TANGO6: variants seen among roughly 807,000 people sequenced by gnomAD.
TANGO6 encodes transport and Golgi organization protein 6 homolog.
In TANGO6, 90 loss-of-function variants were observed where a neutral mutation model predicts 114.2. The ratio of observed to expected loss-of-function variants is 0.79; its 90% CI spans 0.66 to 0.94. The LOEUF is 0.94. Ranked by LOEUF, TANGO6 falls within the 40% of genes least tolerant of loss-of-function variation. The pLI, the probability that TANGO6 is intolerant of heterozygous loss-of-function variation, is 0.00. For synonymous variants in TANGO6, 477 were observed against 509.8 expected, an observed-to-expected ratio of 0.94 and a Z score of 0.87; for missense variants, 1,274 against 1,315.3, an observed-to-expected ratio of 0.97 and a Z score of 0.49.
Position 69,083,802 on chromosome 16 carries a change from T to G in TANGO6, c.*141T>G. 1.1e-6 allele frequency: 1 copy of G among 906,020 alleles called. No individual in the cohort carries two copies. Among genetic ancestry groups the G allele is most frequent in the Non-Finnish European group, 1.6e-6 (1 of 614,926 alleles). 56.1% of individuals were successfully genotyped at this position (906,020 alleles called of 1,614,324 possible). A position where few individuals can be genotyped will look rare whatever the true frequency, so the allele number is the denominator to read the frequency against. ...GGGGTGGTTTTATGGTGCAGGTCAC[T>G]TGGGTCTTCAGGGTCCCTTCCGAGG... is the stretch of plus-strand genomic sequence containing the variant. On this transcript the variant is annotated 3_prime_UTR_variant, in exon 18 of 18. Coordinates refer to ENST00000261778, the MANE Select transcript of TANGO6 (RefSeq NM_024562.2).
chr16:68,851,453 C>T (rs569087717), intron 1 of TANGO6, among the ~76,000 whole-genome samples: 107 of 152,284 alleles, frequency 7.0e-4, no homozygotes, highest in Middle Eastern at 6.8e-3. Context: ...CCACCACGCC[C>T]GGCCTGCATC....
chr16:69,010,119 C>G (rs1964131677), intron 15 of TANGO6, among the ~76,000 whole-genome samples: 1 of 152,108 alleles, frequency 6.6e-6, no homozygotes, highest in African/African-American at 2.4e-5. Context: ...CTAAATGGAG[C>G]AGTCCCAGTA....
intron 15 of TANGO6, among the ~76,000 whole-genome samples, chr16:69,020,904 A>ATGTGTGTGTGTGTGTGTGTGTG (rs34350425): frequency 3.4e-5 from 3 of 87,282 alleles, no homozygotes; most frequent in African/African-American, 8.6e-5. Context: ...ATATGTATGT[A>ATGTGTGTGTGTGTGTGTGTGTG]TGTGTGTGTG....
intron 14 of TANGO6, among the ~76,000 whole-genome samples, chr16:68,956,804 G>A (rs1489464177): frequency 6.6e-6 from 1 of 152,100 alleles, no homozygotes; most frequent in East Asian, 1.9e-4. Flanking sequence ...AGTGAGCCGA[G>A]ATTGCGCCAC....
At chr16:68,941,466 G>A (rs1416517993) in intron 14 of TANGO6, among the ~76,000 whole-genome samples, 1 of 152,020 alleles carries the variant, frequency 6.6e-6, no homozygotes, top group Non-Finnish European at 1.5e-5. Context: ...TATCAGAACT[G>A]GGCATGGTGG....
intron 10 of TANGO6, among the ~76,000 whole-genome samples, chr16:68,908,129 C>A (rs893772265): frequency 1.3e-5 from 2 of 152,090 alleles, no homozygotes; most frequent in African/African-American, 4.8e-5. Context: ...CACTGTATGA[C>A]ATCATAAGCC....
At position 69,042,337 on chromosome 16, in the gene TANGO6, G is replaced by A. The variant is rs71395893; in HGVS notation, c.3108+1916G>A. On this transcript the variant is annotated intron_variant, in intron 17 of 17. Coordinates refer to ENST00000261778, the MANE Select transcript of TANGO6 (RefSeq NM_024562.2). ...TGAGGCGGGTGGATCACCTGAGGTC[G>A]GGAATTCGAGATCAGCCTGGCCAAC... Among the ~76,000 whole-genome samples the A allele has an allele frequency of 6.4e-3, 970 of 151,848 alleles. 3 individuals carry two copies. Among genetic ancestry groups the A allele is most frequent in the Non-Finnish European group, 9.9e-3 (675 of 67,908 alleles).
At chr16:69,001,571 G>C (rs377325467) in intron 15 of TANGO6, among the ~76,000 whole-genome samples, 2 of 152,102 alleles carry the variant, frequency 1.3e-5, no homozygotes, top group South Asian at 4.1e-4. Flanking sequence ...TCATTTGCCA[G>C]TTTTTAAGTT....
chr16:68,918,232 A>G (rs1376658004), intron 11 of TANGO6, among the ~76,000 whole-genome samples: 1 of 152,238 alleles, frequency 6.6e-6, no homozygotes, highest in Middle Eastern at 3.4e-3. Flanking sequence ...ATTGAGCTTT[A>G]AGAGTTCTCT....
At chr16:69,068,894 T>C (rs1960256696) in intron 17 of TANGO6, among the ~76,000 whole-genome samples, 1 of 152,088 alleles carries the variant, frequency 6.6e-6, no homozygotes, top group Admixed American at 6.6e-5. Context: ...TTTTCCTATT[T>C]TTAGTAGAGA....
chr16:69,057,137 C>T (rs572535979), intron 17 of TANGO6, among the ~76,000 whole-genome samples: 1 of 151,186 alleles, frequency 6.6e-6, no homozygotes, highest in African/African-American at 2.4e-5. Context: ...GCCTCAGCCT[C>T]CCGATTAGCT....
intron 7 of TANGO6, among the ~76,000 whole-genome samples, chr16:68,889,086 A>G (rs1411361084): frequency 6.6e-6 from 1 of 152,200 alleles, no homozygotes; most frequent in South Asian, 2.1e-4. Flanking sequence ...AGCCTCCCAA[A>G]GTGCTGGGAT....
intron 7 of TANGO6, among the ~76,000 whole-genome samples, chr16:68,896,994 C>T (rs1348484341): frequency 2.0e-5 from 3 of 152,060 alleles, no homozygotes; most frequent in Non-Finnish European, 4.4e-5. Flanking sequence ...ACCTCCACCT[C>T]CTGGGTTCAA....
intron 13 of TANGO6, among the ~76,000 whole-genome samples, chr16:68,929,482 C>T (rs1453063312): frequency 1.3e-5 from 2 of 152,176 alleles, no homozygotes; most frequent in Admixed American, 1.3e-4. Context: ...TTTAGGCTCT[C>T]CGTACATACT....
At chr16:68,887,837 C>T (rs1962558933) in intron 7 of TANGO6, among the ~76,000 whole-genome samples, 1 of 152,080 alleles carries the variant, frequency 6.6e-6, no homozygotes, top group South Asian at 2.1e-4. Context: ...CGAGATCATG[C>T]CACTGCACTC....
chr16:69,019,571 A>G (rs1197156571), intron 15 of TANGO6, among the ~76,000 whole-genome samples: 1 of 152,260 alleles, frequency 6.6e-6, no homozygotes, highest in Non-Finnish European at 1.5e-5. Flanking sequence ...GACTGAGACT[A>G]GCAAAGTCAT....
chr16:68,871,485 G>C (rs1962266574), intron 4 of TANGO6, among the ~76,000 whole-genome samples: 1 of 151,750 alleles, frequency 6.6e-6, no homozygotes. Context: ...ATTTTTTTCT[G>C]TACTCCCCTC....
At chr16:68,872,046 A>G (rs1009664011) in intron 4 of TANGO6, among the ~76,000 whole-genome samples, 4 of 151,848 alleles carry the variant, frequency 2.6e-5, no homozygotes, top group Non-Finnish European at 5.9e-5. Flanking sequence ...CCTGGCCAAC[A>G]TGGTGAAAGC....
At chr16:69,061,077 G>C (rs1239053339) in intron 17 of TANGO6, among the ~76,000 whole-genome samples, 1 of 152,064 alleles carries the variant, frequency 6.6e-6, no homozygotes, top group African/African-American at 2.4e-5. Flanking sequence ...AAGAGCAAAA[G>C]TTGCCTCAAC....
Sources: gnomAD v4.1 joint callset for allele counts (sites outside exome capture counted in the v4.1 genomes callset) on GRCh38, gnomAD v4.1.1 for gene constraint, MANE v1.5 for transcripts, NCBI Gene and HGNC (gene_info 2026-07-23, HGNC 2026-07-21) for gene names.